The following GSK3B variants were observed in gnomAD, a reference collection of about 807,000 sequenced individuals.
GSK3B encodes the protein glycogen synthase kinase-3 beta.
In GSK3B, 15 loss-of-function variants were observed where a neutral mutation model predicts 56.4. That is an observed-to-expected ratio of 0.27 (90% CI 0.18 to 0.41). GSK3B has a LOEUF of 0.41. Ranked by LOEUF, GSK3B falls within the 10% of genes least tolerant of loss-of-function variation. The pLI, the probability that GSK3B is intolerant of heterozygous loss-of-function variation, is 1.00. For synonymous variants in GSK3B, 181 were observed against 188.9 expected, an observed-to-expected ratio of 0.96 and a Z score of 0.34; for missense variants, 300 against 513.4, an observed-to-expected ratio of 0.58 and a Z score of 4.02.
chr3:119,842,564 T>C (rs181652085), intron 10 of GSK3B, among the ~76,000 whole-genome samples: 1 of 152,168 alleles, frequency 6.6e-6, no homozygotes, highest in African/African-American at 2.4e-5. Context: ...GCTATAAACA[T>C]CTCATTTGAT....
At chr3:119,912,278 T>C (rs1377665805) in intron 6 of GSK3B, among the ~76,000 whole-genome samples, 1 of 152,152 alleles carries the variant, frequency 6.6e-6, no homozygotes, top group Non-Finnish European at 1.5e-5. Flanking sequence ...TGTCTTATAT[T>C]GTTGTGGTTT....
chr3:120,013,815 A>AG (rs1334556337), intron 1 of GSK3B, among the ~76,000 whole-genome samples: 1 of 151,966 alleles, frequency 6.6e-6, no homozygotes, highest in Admixed American at 6.6e-5. Flanking sequence ...TTTCAGGTTA[A>AG]GTTGAAGTTC....
chr3:119,831,744 G>A (rs1394662479), intron 10 of GSK3B, among the ~76,000 whole-genome samples: 1 of 152,114 alleles, frequency 6.6e-6, no homozygotes, highest in African/African-American at 2.4e-5. Context: ...AGTATGGGGT[G>A]TACAGAGATA....
chr3:120,012,766 T>C (rs2057790204), intron 1 of GSK3B, among the ~76,000 whole-genome samples: 9 of 152,186 alleles, frequency 5.9e-5, no homozygotes, highest in Admixed American at 5.9e-4. Context: ...ACTGAACTCC[T>C]GGGCTCAAGC....
At chr3:119,960,837 A>G (rs2057265102) in intron 2 of GSK3B, among the ~76,000 whole-genome samples, 1 of 152,188 alleles carries the variant, frequency 6.6e-6, no homozygotes, top group Admixed American at 6.5e-5. Flanking sequence ...CCACTATAAT[A>G]TAAGCTTTAA....
At chr3:119,849,443 A>G (rs1210049333) in intron 9 of GSK3B, among the ~76,000 whole-genome samples, 1 of 152,260 alleles carries the variant, frequency 6.6e-6, no homozygotes, top group Non-Finnish European at 1.5e-5. Flanking sequence ...AAAAATGAAA[A>G]GAGGACCGGA....
At chr3:119,850,993 C>T (rs535361609) in intron 9 of GSK3B, among the ~76,000 whole-genome samples, 6 of 152,072 alleles carry the variant, frequency 3.9e-5, no homozygotes, top group African/African-American at 1.4e-4. Context: ...GCAAGAAATT[C>T]CAGAAAACTT....
intron 7 of GSK3B, among the ~76,000 whole-genome samples, chr3:119,888,967 C>T (rs567631327): frequency 1.3e-5 from 2 of 152,198 alleles, no homozygotes; most frequent in African/African-American, 2.4e-5. Flanking sequence ...GTTCTCTGCT[C>T]TCAAACCCTG....
intron 2 of GSK3B, among the ~76,000 whole-genome samples, chr3:119,997,093 T>C (rs1405548530): frequency 6.6e-6 from 1 of 152,048 alleles, no homozygotes. Flanking sequence ...ACAAAAACAC[T>C]CTAGTTCACC....
chr3:120,041,674 A>C (rs542776307), intron 1 of GSK3B: 1 of 151,854 alleles, frequency 6.6e-6, no homozygotes, highest in Non-Finnish European at 1.5e-5. Context: ...CTAAAAAGAA[A>C]GCACACATGT....
chr3:119,837,894 A>G (rs1462139138), intron 10 of GSK3B, among the ~76,000 whole-genome samples: 1 of 147,312 alleles, frequency 6.8e-6, no homozygotes, highest in African/African-American at 2.5e-5. Flanking sequence ...ATATATAAAT[A>G]TATATTTTAT....
intron 7 of GSK3B, among the ~76,000 whole-genome samples, chr3:119,883,017 GGTCT>G (rs2056396477): frequency 6.6e-6 from 1 of 152,050 alleles, no homozygotes; most frequent in South Asian, 2.1e-4. Flanking sequence ...ACTAAAAAAA[GGTCT>G]GTCAGCACAA....
At chr3:119,880,427 T>A (rs2056367170) in intron 7 of GSK3B, among the ~76,000 whole-genome samples, 1 of 152,216 alleles carries the variant, frequency 6.6e-6, no homozygotes, top group South Asian at 2.1e-4. Flanking sequence ...CTGTTAACTG[T>A]TTCCTTTGCT....
At chr3:120,028,363 A>T (rs1054428760) in intron 1 of GSK3B, among the ~76,000 whole-genome samples, 2 of 152,216 alleles carry the variant, frequency 1.3e-5, no homozygotes, top group African/African-American at 4.8e-5. Flanking sequence ...GATTTACCTC[A>T]CGAGAAACTA....
intron 1 of GSK3B, among the ~76,000 whole-genome samples, chr3:120,037,889 T>A (rs1440649293): frequency 6.6e-6 from 1 of 152,082 alleles, no homozygotes; most frequent in East Asian, 1.9e-4. Context: ...TATTATATTT[T>A]CCTGTAATAC....
intron 8 of GSK3B, among the ~76,000 whole-genome samples, chr3:119,869,566 T>A (rs185232137): frequency 5.9e-5 from 9 of 152,328 alleles, no homozygotes; most frequent in Admixed American, 5.2e-4. Flanking sequence ...AAATCTAACA[T>A]CCAGTGAATT....
chr3:120,058,880 T>C (rs1234948438), intron 1 of GSK3B, among the ~76,000 whole-genome samples: 4 of 152,016 alleles, frequency 2.6e-5, no homozygotes, highest in African/African-American at 9.6e-5. Context: ...CATGGCAGCA[T>C]GCGCCTGTAG....
intron 7 of GSK3B, among the ~76,000 whole-genome samples, chr3:119,881,622 T>C (rs2056380219): frequency 1.3e-5 from 2 of 152,238 alleles, no homozygotes; most frequent in Admixed American, 1.3e-4. Context: ...CATTAGTAAA[T>C]GTATCCATTT....
At chr3:119,981,291 C>T (rs150377174) in intron 2 of GSK3B, among the ~76,000 whole-genome samples, 166 of 152,300 alleles carry the variant, frequency 1.1e-3, no homozygotes, top group African/African-American at 3.6e-3. Context: ...ACGCAGAAGA[C>T]GGCTAATTTC....
Sources: allele counts gnomAD v4.1 joint callset (sites outside exome capture counted in the v4.1 genomes callset), GRCh38; gene constraint gnomAD v4.1.1; transcripts MANE v1.5; gene names NCBI Gene and HGNC (gene_info 2026-07-23, HGNC 2026-07-21).